Variants in C3orf52 observed in about 807,000 individuals in gnomAD.
C3orf52 encodes chromosome 3 open reading frame 52.
C3orf52 carries 22 observed loss-of-function variants against 24.8 expected under a neutral mutation model. The ratio of observed to expected loss-of-function variants is 0.89; its 90% CI spans 0.63 to 1.27. The LOEUF (loss-of-function observed/expected upper bound fraction) is 1.27. C3orf52 is among the 50% of genes most tolerant of loss of function. The probability of loss-of-function intolerance (pLI) is 0.00; values close to 1 mark genes in which losing one functional copy is unlikely to be tolerated. For missense variants in C3orf52, 265 were observed against 260.7 expected, an observed-to-expected ratio of 1.02 and a Z score of -0.11; for synonymous variants, 93 against 100.2, an observed-to-expected ratio of 0.93 and a Z score of 0.43.
intron 4 of C3orf52, chr3:112,127,157 C>T (rs1175335598): frequency 1.7e-6 from 1 of 605,274 alleles, no homozygotes; most frequent in Non-Finnish European, 2.9e-6. Context: ...ATACCTCCTT[C>T]AGCATAGATG....
intron 4 of C3orf52, among the ~76,000 whole-genome samples, chr3:112,110,527 C>G (rs958254592): frequency 6.6e-6 from 1 of 152,128 alleles, no homozygotes; most frequent in African/African-American, 2.4e-5. Flanking sequence ...AAATACTACA[C>G]ACACATAGGA....
intron 2 of C3orf52, among the ~76,000 whole-genome samples, chr3:112,102,037 C>T (rs1396993274): frequency 6.6e-6 from 1 of 152,174 alleles, no homozygotes; most frequent in African/African-American, 2.4e-5. Context: ...TTCCTGCACA[C>T]CCTGGGGCTC....
At chr3:112,121,144 C>T (rs1186361682), downstream of C3orf52, 1 of 152,144 alleles carries the variant, frequency 6.6e-6, no homozygotes, top group Non-Finnish European at 1.5e-5. Flanking sequence ...TGATAAAAGG[C>T]ATATACTGTT....
At chr3:112,109,407 C>A in intron 3 of C3orf52, 136 bp from the exon 4 acceptor site, 1 of 498,662 alleles carries the variant, frequency 2.0e-6, no homozygotes, top group Non-Finnish European at 3.7e-6. Context: ...AATTCTTGAT[C>A]CAGAGCTTCC....
At chr3:112,098,576 A>G (rs781360211) in intron 2 of C3orf52, among the ~76,000 whole-genome samples, 6 of 152,190 alleles carry the variant, frequency 3.9e-5, no homozygotes, top group Non-Finnish European at 8.8e-5. Context: ...ATTATTATAC[A>G]TGTGAAACTA....
In C3orf52 at chr3:112,117,239, AAAGG is replaced by A. The variant is rs2074143712; in HGVS notation, c.*598_*601del. The A allele has an allele frequency of 2.1e-6, 1 of 487,044 alleles. No homozygotes were observed. The highest frequency in any genetic ancestry group is 3.6e-5 in the Admixed American group (1 of 28,070). The allele number at this position is 487,044 out of a possible 1,614,324, so 30.2% of individuals were successfully genotyped here. A position where few individuals can be genotyped will look rare whatever the true frequency, so the allele number is the denominator to read the frequency against. On this transcript the variant is annotated 3_prime_UTR_variant, in exon 6 of 6. Transcript: ENST00000264848. ...CTACCTCTAAGCCAGGCTGTGAAGAAAAGGAAGGCACTTTAGAAGACCTCAGCAG... is the reference window on the plus strand; with the variant it reads ...CTACCTCTAAGCCAGGCTGTGAAGAAAAGGCACTTTAGAAGACCTCAGCAG...
At chr3:112,120,916 T>C (rs2074182885), downstream of C3orf52, 1 of 152,164 alleles carries the variant, frequency 6.6e-6, no homozygotes, top group African/African-American at 2.4e-5. Context: ...CATATCAGAA[T>C]TTTTTAACTC....
At chr3:112,126,063 T>C (rs2074310427) in intron 4 of C3orf52, among the ~76,000 whole-genome samples, 1 of 152,172 alleles carries the variant, frequency 6.6e-6, no homozygotes, top group Non-Finnish European at 1.5e-5. Flanking sequence ...CATAAGCTCC[T>C]ATAGGCATCT....
intron 4 of C3orf52, among the ~76,000 whole-genome samples, chr3:112,124,956 G>T (rs1217644757): frequency 6.6e-6 from 1 of 152,198 alleles, no homozygotes; most frequent in East Asian, 1.9e-4. Context: ...AGCTACATGA[G>T]TTGATGTGTG....
intron 1 of C3orf52, among the ~76,000 whole-genome samples, chr3:112,087,390 C>G (rs2073839675): frequency 6.6e-6 from 1 of 152,096 alleles, no homozygotes; most frequent in Non-Finnish European, 1.5e-5. Context: ...TGTAAAACAT[C>G]AGAGCTTTGA....
intron 4 of C3orf52, among the ~76,000 whole-genome samples, chr3:112,126,328 T>A (rs2074316529): frequency 6.6e-6 from 1 of 152,192 alleles, no homozygotes. Flanking sequence ...CCATTTTTCT[T>A]CTTCAGAAAC....
intron 2 of C3orf52, among the ~76,000 whole-genome samples, chr3:112,099,329 C>T (rs1425370686): frequency 6.6e-6 from 1 of 152,132 alleles, no homozygotes; most frequent in Admixed American, 6.6e-5. Flanking sequence ...CGGGGAGACA[C>T]AAACATTCAG....
chr3:112,115,094 A>G (rs1559976503), intron 5 of C3orf52, among the ~76,000 whole-genome samples: 1 of 152,270 alleles, frequency 6.6e-6, no homozygotes. Context: ...TCTCTCAGAC[A>G]TTTCTTCTGA....
At chr3:112,120,499 A>G (rs1480391746), downstream of C3orf52, among the ~76,000 whole-genome samples, 3 of 152,232 alleles carry the variant, frequency 2.0e-5, no homozygotes, top group Non-Finnish European at 4.4e-5. Context: ...TTATTTATAG[A>G]TGCTAGTATG....
rs149820783 is a variant in C3orf52 at position 112,102,935 on chromosome 3, A to G, written c.366A>G (p.Glu122=). The change falls in exon 3 of 6, where the codon GAA becomes GAG. Residue 122 remains glutamate, a synonymous_variant. Coordinates refer to ENST00000264848, the MANE Select transcript of C3orf52 (RefSeq NM_024616.3). ...AGATTCCAGAGGAGTGTGTTGCTGAAGAGGAATTGCCTCACCTGCTCACCG... is the reference window on the plus strand; with the variant it reads ...AGATTCCAGAGGAGTGTGTTGCTGAGGAGGAATTGCCTCACCTGCTCACCG... ...MLKIPEECVA[E]EELPHLLTER... The G allele has an allele frequency of 2.2e-3, 3,602 of 1,612,500 alleles. 14 individuals are homozygous for G. Among genetic ancestry groups the G allele is most frequent in the South Asian group, 6.1e-3 (555 of 90,466 alleles).
chr3:112,123,453 C>A (rs373437507), intron 4 of C3orf52: 46 of 1,613,036 alleles, frequency 2.9e-5, no homozygotes, highest in Non-Finnish European at 3.6e-5. Context: ...CCAGCCACTT[C>A]ACTATAAATG....
At chr3:112,112,670 A>G (rs2074094870) in intron 4 of C3orf52, 2 of 403,222 alleles carry the variant, frequency 5.0e-6, no homozygotes, top group Admixed American at 3.6e-5. Context: ...TCTTCTCAGC[A>G]TCTTGACTGG....
intron 5 of C3orf52, among the ~76,000 whole-genome samples, chr3:112,116,248 T>C (rs984005179): frequency 6.6e-6 from 1 of 152,158 alleles, no homozygotes; most frequent in African/African-American, 2.4e-5. Context: ...TGCTGTGCCC[T>C]AGGGTTCACA....
downstream of C3orf52, chr3:112,132,995 C>T (rs1051267783): frequency 1.4e-5 from 17 of 1,249,694 alleles, no homozygotes; most frequent in Non-Finnish European, 1.9e-5. Context: ...TCTACCCCAA[C>T]TTAGTGTGCT....
Sources: gnomAD v4.1 joint callset for allele counts (sites outside exome capture counted in the v4.1 genomes callset) on GRCh38, gnomAD v4.1.1 for gene constraint, MANE v1.5 for transcripts, NCBI Gene and HGNC (gene_info 2026-07-23, HGNC 2026-07-21) for gene names.